The following LINC00305 variants were observed in gnomAD, a reference collection of about 807,000 sequenced individuals.
The protein encoded by LINC00305 is long intergenic non-protein coding RNA 305.
chr18:64,108,796 A>AT (rs1242664644), intron 1 of LINC00305, among the ~76,000 whole-genome samples: 2 of 152,112 alleles, frequency 1.3e-5, no homozygotes, highest in East Asian at 3.8e-4. Context: ...TTGATTATAT[A>AT]TTTTTTCACT....
chr18:64,096,864 GT>G (rs1370127511), intron 3 of LINC00305, among the ~76,000 whole-genome samples: 2 of 151,680 alleles, frequency 1.3e-5, no homozygotes, highest in Non-Finnish European at 3.0e-5. Context: ...TTAGAAAAAT[GT>G]TTAATGAACA....
chr18:64,100,034 C>G (rs2051261967), intron 1 of LINC00305, among the ~76,000 whole-genome samples: 1 of 152,104 alleles, frequency 6.6e-6, no homozygotes, highest in African/African-American at 2.4e-5. Flanking sequence ...ATAATGCAAC[C>G]CTACTTCGAC....
rs368723764 is a variant in LINC00305, at chr18:64,115,531, G to A, written n.315-16891C>T. Among the ~76,000 whole-genome samples, 7 of 152,230 alleles carry A rather than the reference G, an allele frequency of 4.6e-5. 1 individual carries two copies. The highest frequency in any genetic ancestry group is 2.0e-4 in the Admixed American group (3 of 15,298). ...GAACGTGAGGGTGTCAGATGGGACAGTGGAATGAGAACCCAAAGACACATT... is the reference window on the plus strand; with the variant it reads ...GAACGTGAGGGTGTCAGATGGGACAATGGAATGAGAACCCAAAGACACATT... On this transcript the variant is annotated intron_variant and non_coding_transcript_variant, in intron 1 of 3. Transcript: ENST00000666468.
chr18:64,111,702 T>A (rs1010788799), intron 1 of LINC00305, among the ~76,000 whole-genome samples: 1 of 152,094 alleles, frequency 6.6e-6, no homozygotes, highest in African/African-American at 2.4e-5. Context: ...GATGGCTGGG[T>A]CCCTGCTCTC....
At chr18:64,125,956 A>G (rs1023849386) in intron 1 of LINC00305, among the ~76,000 whole-genome samples, 4 of 151,570 alleles carry the variant, frequency 2.6e-5, no homozygotes, top group African/African-American at 9.7e-5. Context: ...CCTGGACACT[A>G]TTTCCTTGAT....
intron 1 of LINC00305, among the ~76,000 whole-genome samples, chr18:64,133,135 A>T (rs1387004427): frequency 6.6e-6 from 1 of 152,152 alleles, no homozygotes; most frequent in African/African-American, 2.4e-5. Context: ...GTCTCAGAGC[A>T]GTCTCAGAGG....
At chr18:64,143,737 CATATTAT>C (rs2051481526) in intron 1 of LINC00305, among the ~76,000 whole-genome samples, 3 of 67,774 alleles carry the variant, frequency 4.4e-5, no homozygotes, top group Non-Finnish European at 9.6e-5. Context: ...TGTATGTCCA[CATATTAT>C]GCGTACATGT....
chr18:64,136,379 G>T (rs193250606), intron 1 of LINC00305, among the ~76,000 whole-genome samples: 1 of 152,230 alleles, frequency 6.6e-6, no homozygotes, highest in Admixed American at 6.5e-5. Flanking sequence ...CCATATGGCT[G>T]GGGAGGCCTC....
intron 3 of LINC00305, among the ~76,000 whole-genome samples, chr18:64,089,041 G>A (rs997800172): frequency 1.8e-4 from 27 of 152,134 alleles, no homozygotes; most frequent in African/African-American, 6.5e-4. Flanking sequence ...GGAAGAAGCA[G>A]GAGAAATGAA....
intron 3 of LINC00305, among the ~76,000 whole-genome samples, chr18:64,092,828 G>A (rs1266457107): frequency 6.6e-6 from 1 of 152,154 alleles, no homozygotes; most frequent in African/African-American, 2.4e-5. Context: ...ATGAGAAGCT[G>A]CTCAGAATAC....
chr18:64,090,953 C>T (rs2051222603), intron 3 of LINC00305, among the ~76,000 whole-genome samples: 1 of 152,210 alleles, frequency 6.6e-6, no homozygotes, highest in African/African-American at 2.4e-5. Flanking sequence ...ATCTTTAATT[C>T]ACCTCTTGAT....
At chr18:64,095,247 C>G (rs2051240847) in intron 3 of LINC00305, among the ~76,000 whole-genome samples, 1 of 152,216 alleles carries the variant, frequency 6.6e-6, no homozygotes, top group Non-Finnish European at 1.5e-5. Context: ...AAGCATGAGG[C>G]TAGGAGAGAC....
intron 1 of LINC00305, among the ~76,000 whole-genome samples, chr18:64,113,970 A>T (rs2051326220): frequency 6.6e-6 from 1 of 152,242 alleles, no homozygotes; most frequent in South Asian, 2.1e-4. Context: ...TGGGAAGCAC[A>T]TAAAAATGAA....
intron 1 of LINC00305, among the ~76,000 whole-genome samples, chr18:64,100,344 A>G (rs867527783): frequency 6.6e-6 from 1 of 152,236 alleles, no homozygotes; most frequent in South Asian, 2.1e-4. Flanking sequence ...TCTCCGCTAC[A>G]TGAAACTTCT....
At chr18:64,125,881 G>T (rs530039729) in intron 1 of LINC00305, among the ~76,000 whole-genome samples, 2 of 152,046 alleles carry the variant, frequency 1.3e-5, no homozygotes, top group Admixed American at 1.3e-4. Context: ...GGAGAGTTTG[G>T]TTCTTTTCTC....
chr18:64,093,475 C>T (rs976731528), intron 3 of LINC00305, among the ~76,000 whole-genome samples: 1 of 152,186 alleles, frequency 6.6e-6, no homozygotes, highest in Non-Finnish European at 1.5e-5. Context: ...GCTGGCATTA[C>T]AGGTGTGTAC....
intron 1 of LINC00305, among the ~76,000 whole-genome samples, chr18:64,126,645 T>C (rs1031526268): frequency 6.6e-6 from 1 of 152,082 alleles, no homozygotes; most frequent in African/African-American, 2.4e-5. Context: ...ATTCCACAAA[T>C]GTTTATGAGA....
At chr18:64,106,756 C>G (rs749549260) in intron 1 of LINC00305, among the ~76,000 whole-genome samples, 2 of 151,986 alleles carry the variant, frequency 1.3e-5, no homozygotes, top group Non-Finnish European at 2.9e-5. Flanking sequence ...AAAAATGACG[C>G]AGGAACAACT....
intron 1 of LINC00305, among the ~76,000 whole-genome samples, chr18:64,121,244 A>ACATG (rs1273093870): frequency 1.3e-5 from 2 of 152,146 alleles, no homozygotes; most frequent in Non-Finnish European, 2.9e-5. Context: ...TAATTTTGTT[A>ACATG]CATGCATAGC....
Sources: allele counts gnomAD v4.1 joint callset (sites outside exome capture counted in the v4.1 genomes callset), GRCh38; gene constraint gnomAD v4.1.1; transcripts MANE v1.5; gene names NCBI Gene and HGNC (gene_info 2026-07-23, HGNC 2026-07-21).